TMEM163: variants seen among roughly 807,000 people sequenced by gnomAD.
The protein encoded by TMEM163 is transmembrane protein 163.
Under a neutral mutation model 29.3 loss-of-function variants are expected in TMEM163, and 17 were observed. The observed-to-expected ratio is 0.58, with a 90% CI of 0.40 to 0.87. The LOEUF is 0.87. Among genes scored for constraint, TMEM163 ranks in the 40% least tolerant of loss-of-function variants. TMEM163 has a pLI of 0.00. For synonymous variants in TMEM163, 157 were observed against 160.6 expected (o/e 0.98, Z 0.17); for missense variants, 303 against 381.5 (o/e 0.79, Z 1.71).
chr2:134,563,558 A>C (rs1424691129), intron 2 of TMEM163, among the ~76,000 whole-genome samples: 2 of 152,256 alleles, frequency 1.3e-5, no homozygotes, highest in African/African-American at 2.4e-5. Context: ...AAAACTAATG[A>C]AACTAAAAAA....
intron 2 of TMEM163, among the ~76,000 whole-genome samples, chr2:134,619,487 A>G (rs1260848056): frequency 6.6e-6 from 1 of 152,228 alleles, no homozygotes; most frequent in African/African-American, 2.4e-5. Flanking sequence ...CATTAATAGA[A>G]TAAGAATAAG....
At chr2:134,644,920 T>A (rs1001450286) in intron 2 of TMEM163, among the ~76,000 whole-genome samples, 1 of 152,164 alleles carries the variant, frequency 6.6e-6, no homozygotes, top group Non-Finnish European at 1.5e-5. Context: ...AACTCAACTG[T>A]AAGTAAACAA....
At chr2:134,625,488 A>C (rs2104828170) in intron 2 of TMEM163, among the ~76,000 whole-genome samples, 1 of 152,344 alleles carries the variant, frequency 6.6e-6, no homozygotes, top group Middle Eastern at 3.4e-3. Flanking sequence ...AACAAGTCAT[A>C]CGCAGTTCTG....
chr2:134,703,247 C>T (rs1257324063), intron 2 of TMEM163, among the ~76,000 whole-genome samples: 1 of 152,038 alleles, frequency 6.6e-6, no homozygotes, highest in Non-Finnish European at 1.5e-5. Context: ...GTCTGGGATG[C>T]AGCTGTGCAC....
chr2:134,585,790 C>T (rs1574258641), intron 2 of TMEM163, among the ~76,000 whole-genome samples: 1 of 151,464 alleles, frequency 6.6e-6, no homozygotes, highest in African/African-American at 2.4e-5. Flanking sequence ...AGTCCATGCT[C>T]AATGAATGTT....
At chr2:134,705,332 C>G (rs745327608) in intron 2 of TMEM163, among the ~76,000 whole-genome samples, 1 of 152,106 alleles carries the variant, frequency 6.6e-6, no homozygotes, top group Non-Finnish European at 1.5e-5. Flanking sequence ...AAGGTGGGCC[C>G]TAATCCATAT....
intron 4 of TMEM163, among the ~76,000 whole-genome samples, chr2:134,521,656 A>G (rs1006597368): frequency 1.3e-5 from 2 of 152,220 alleles, no homozygotes; most frequent in African/African-American, 4.8e-5. Flanking sequence ...AAATTGGGTA[A>G]CATGTGGACT....
intron 2 of TMEM163, among the ~76,000 whole-genome samples, chr2:134,688,692 G>A (rs865981448): frequency 1.3e-5 from 2 of 152,146 alleles, no homozygotes; most frequent in South Asian, 2.1e-4. Flanking sequence ...AGCAGCAATG[G>A]AAGAAATGAC....
At chr2:134,610,355 C>T (rs539230593) in intron 2 of TMEM163, among the ~76,000 whole-genome samples, 1 of 152,328 alleles carries the variant, frequency 6.6e-6, no homozygotes, top group South Asian at 2.1e-4. Flanking sequence ...CAAGGCCAAG[C>T]TCTCCCTGGA....
chr2:134,612,757 C>T (rs1682533550), intron 2 of TMEM163, among the ~76,000 whole-genome samples: 1 of 152,154 alleles, frequency 6.6e-6, no homozygotes, highest in South Asian at 2.1e-4. Flanking sequence ...GCAGCCAAAA[C>T]AAATCAGCAA....
At chr2:134,549,605 A>G (rs1680867006) in intron 4 of TMEM163, among the ~76,000 whole-genome samples, 1 of 152,108 alleles carries the variant, frequency 6.6e-6, no homozygotes, top group African/African-American at 2.4e-5. Context: ...CAGCCTCCCA[A>G]AGTGCTGGAA....
At chr2:134,581,620 GC>G (rs1681695473) in intron 2 of TMEM163, among the ~76,000 whole-genome samples, 1 of 143,342 alleles carries the variant, frequency 7.0e-6, no homozygotes, top group Non-Finnish European at 1.5e-5. Flanking sequence ...CATTCTTCAT[GC>G]TCTTTATGGG....
At chr2:134,667,796 T>G (rs973863115) in intron 2 of TMEM163, among the ~76,000 whole-genome samples, 3 of 152,256 alleles carry the variant, frequency 2.0e-5, no homozygotes, top group Non-Finnish European at 4.4e-5. Context: ...TTTGTTTAAT[T>G]AGTCACACAG....
At chr2:134,647,317 T>C (rs1405913202) in intron 2 of TMEM163, among the ~76,000 whole-genome samples, 7 of 152,114 alleles carry the variant, frequency 4.6e-5, no homozygotes, top group Non-Finnish European at 2.9e-5. Context: ...ACAAAAGAAA[T>C]AGTCTCAGCC....
intron 2 of TMEM163, among the ~76,000 whole-genome samples, chr2:134,652,026 G>A (rs1445855597): frequency 5.1e-5 from 7 of 137,066 alleles, no homozygotes; most frequent in Admixed American, 3.6e-4. Context: ...TTGGTGATGC[G>A]GGCTCTTTTT....
chr2:134,459,318 A>G (rs888031981), intron 6 of TMEM163: 3 of 151,550 alleles, frequency 2.0e-5, no homozygotes, highest in African/African-American at 7.3e-5. Flanking sequence ...CCTGGACCCT[A>G]CAACGCACTT....
At position 134,456,632 on chromosome 2, in the gene TMEM163, A is replaced by G; in HGVS notation, c.*84T>C. 5 of 1,506,564 alleles carry G rather than the reference A, an allele frequency of 3.3e-6. No homozygotes were observed. In the South Asian group the frequency reaches 4.7e-5, roughly 14 times the overall value. 93.3% of individuals were successfully genotyped at this position (1,506,564 alleles called of 1,614,324 possible). On this transcript the variant is annotated 3_prime_UTR_variant, in exon 8 of 8. Coordinates refer to ENST00000281924, the MANE Select transcript of TMEM163 (RefSeq NM_030923.5). ...TGTGAAAGAAAACTTCCAAAAAGAA[A>G]CCAGATGTTCAGTTAAATATTGGCA...
At chr2:134,617,052 A>G (rs538469691) in intron 2 of TMEM163, among the ~76,000 whole-genome samples, 63 of 152,332 alleles carry the variant, frequency 4.1e-4, no homozygotes, top group Middle Eastern at 3.4e-3. Flanking sequence ...CTGTATGAAC[A>G]TATATTTTTC....
intron 3 of TMEM163, among the ~76,000 whole-genome samples, chr2:134,551,840 C>A (rs1191504454): frequency 2.0e-5 from 3 of 152,208 alleles, no homozygotes; most frequent in South Asian, 2.1e-4. Context: ...GTGGTTCCCC[C>A]CAATCTGTGC....
Sources: gnomAD v4.1 joint callset for allele counts (sites outside exome capture counted in the v4.1 genomes callset) on GRCh38, gnomAD v4.1.1 for gene constraint, MANE v1.5 for transcripts, NCBI Gene and HGNC (gene_info 2026-07-23, HGNC 2026-07-21) for gene names.